Variants in EDA observed in about 807,000 individuals in gnomAD.
EDA encodes ectodysplasin A.
Under a neutral mutation model 23.6 loss-of-function variants are expected in EDA, and 2 were observed. The observed-to-expected ratio is 0.08, with a 90% CI of 0.03 to 0.27. The LOEUF (loss-of-function observed/expected upper bound fraction) is 0.27. EDA is among the 10% of genes least tolerant of loss of function. The pLI is 1.00. For missense variants in EDA, 229 were observed against 324.2 expected, an observed-to-expected ratio of 0.71 and a Z score of 2.26; for synonymous variants, 131 against 132.0, an observed-to-expected ratio of 0.99 and a Z score of 0.05.
At chrX:69,715,753 GACTT>G (rs2012301250) in intron 1 of EDA, among the ~76,000 whole-genome samples, 1 of 111,738 alleles carries the variant, frequency 8.9e-6, no homozygotes, top group Non-Finnish European at 1.9e-5. Flanking sequence ...TGTTATTTTT[GACTT>G]TCTAGTAGTA....
chrX:69,998,617 A>G (rs2019695325), intron 2 of EDA, among the ~76,000 whole-genome samples: 1 of 111,669 alleles, frequency 9.0e-6, no homozygotes, highest in Non-Finnish European at 1.9e-5. Context: ...GGGCAGAATG[A>G]TATGGTTTGT....
At chrX:69,874,493 T>G (rs2017614328) in intron 1 of EDA, among the ~76,000 whole-genome samples, 1 of 111,573 alleles carries the variant, frequency 9.0e-6, no homozygotes. Context: ...GGGACATACC[T>G]TAAGATAATA....
At chrX:69,669,228 G>A (rs1933798278) in intron 1 of EDA, among the ~76,000 whole-genome samples, 1 of 108,374 alleles carries the variant, frequency 9.2e-6, no homozygotes, top group South Asian at 4.0e-4. Context: ...TAATCCATTC[G>A]ACTACTCTAT....
chrX:69,995,643 G>A (rs1334522991), intron 2 of EDA, among the ~76,000 whole-genome samples: 1 of 112,452 alleles, frequency 8.9e-6, no homozygotes, highest in Non-Finnish European at 1.9e-5. Context: ...CTTGGAATGG[G>A]AAGAGCCAGC....
chrX:69,824,477 T>A (rs1390856240), intron 1 of EDA, among the ~76,000 whole-genome samples: 9 of 110,436 alleles, frequency 8.1e-5, no homozygotes, highest in Non-Finnish European at 1.7e-4. Flanking sequence ...ATGGGAGTTC[T>A]CTCATGATTT....
intron 1 of EDA, among the ~76,000 whole-genome samples, chrX:69,770,704 T>TAA (rs2014606455): frequency 2.8e-5 from 3 of 106,911 alleles, no homozygotes; most frequent in Non-Finnish European, 3.9e-5. Flanking sequence ...GAGGGTCTTA[T>TAA]GAAGAGCAAA....
At chrX:69,725,860 C>T (rs1039490105) in intron 1 of EDA, among the ~76,000 whole-genome samples, 2 of 112,275 alleles carry the variant, frequency 1.8e-5, no homozygotes, top group African/African-American at 6.5e-5. Context: ...ACCAAAGTAA[C>T]AGGGTCAAAA....
chrX:69,797,463 A>G (rs1391546549), intron 1 of EDA, among the ~76,000 whole-genome samples: 1 of 111,740 alleles, frequency 8.9e-6, no homozygotes, highest in Non-Finnish European at 1.9e-5. Flanking sequence ...GTTCTGAAAG[A>G]AAAAAGCTGC....
At chrX:69,921,317 A>G (rs1453447397) in intron 1 of EDA, among the ~76,000 whole-genome samples, 1 of 111,588 alleles carries the variant, frequency 9.0e-6, no homozygotes, top group Non-Finnish European at 1.9e-5. Context: ...CATTACTTCT[A>G]GGCCTTCTCA....
intron 1 of EDA, among the ~76,000 whole-genome samples, chrX:69,676,720 G>A (rs942984777): frequency 9.0e-6 from 1 of 111,208 alleles, no homozygotes; most frequent in Non-Finnish European, 1.9e-5. Context: ...CATATCTTCA[G>A]TGGTTTCCCA....
At chrX:69,668,632 A>G (rs1287092473) in intron 1 of EDA, among the ~76,000 whole-genome samples, 1 of 111,056 alleles carries the variant, frequency 9.0e-6, no homozygotes, top group Non-Finnish European at 1.9e-5. Context: ...GCTGGAGTGC[A>G]ATGGCGTGAT....
chrX:69,750,329 A>G (rs1432675358), intron 1 of EDA, among the ~76,000 whole-genome samples: 3 of 108,402 alleles, frequency 2.8e-5, no homozygotes, highest in Non-Finnish European at 5.7e-5. Flanking sequence ...AGCTTCATCC[A>G]TGTCCCTACA....
chrX:69,733,114 A>T (rs377281536), intron 1 of EDA, among the ~76,000 whole-genome samples: 1 of 109,009 alleles, frequency 9.2e-6, no homozygotes, highest in East Asian at 2.9e-4. Flanking sequence ...ATTAGATCCC[A>T]TTTGTCAATT....
chrX:69,737,339 T>C (rs954362687), intron 1 of EDA, among the ~76,000 whole-genome samples: 1 of 112,213 alleles, frequency 8.9e-6, no homozygotes, highest in African/African-American at 3.2e-5. Context: ...TCTTGCCTTC[T>C]TTTGGAGTAA....
intron 1 of EDA, among the ~76,000 whole-genome samples, chrX:69,725,578 C>T (rs2012764705): frequency 8.9e-6 from 1 of 112,255 alleles, no homozygotes; most frequent in African/African-American, 3.2e-5. Flanking sequence ...TACCCCTATC[C>T]ATTTCACTGT....
intron 2 of EDA, among the ~76,000 whole-genome samples, chrX:70,003,982 C>G (rs935541748): frequency 9.0e-6 from 1 of 111,708 alleles, no homozygotes; most frequent in Admixed American, 9.5e-5. Context: ...TACCCTTAGG[C>G]CTGGCTTTCT....
chrX:69,776,376 G>A (rs1202546561), intron 1 of EDA, among the ~76,000 whole-genome samples: 1 of 111,282 alleles, frequency 9.0e-6, no homozygotes, highest in Non-Finnish European at 1.9e-5. Flanking sequence ...CACGAGGGTG[G>A]TTTTCCCCAT....
intron 2 of EDA, among the ~76,000 whole-genome samples, chrX:70,018,375 A>ATTTTTT (rs2019982445): frequency 8.9e-6 from 1 of 112,303 alleles, no homozygotes; most frequent in Non-Finnish European, 1.9e-5. Context: ...GGAACCAAAA[A>ATTTTTT]AGAGCCTGAA....
At chrX:69,780,357 T>C (rs2014907012) in intron 1 of EDA, among the ~76,000 whole-genome samples, 1 of 111,860 alleles carries the variant, frequency 8.9e-6, no homozygotes, top group African/African-American at 3.2e-5. Context: ...GGCAGCTTTA[T>C]TGAGATATAA....
Sources: gnomAD v4.1 joint callset for allele counts (sites outside exome capture counted in the v4.1 genomes callset) on GRCh38, gnomAD v4.1.1 for gene constraint, MANE v1.5 for transcripts, NCBI Gene and HGNC (gene_info 2026-07-23, HGNC 2026-07-21) for gene names.